Variants in CARMIL1 observed in about 807,000 individuals in gnomAD.
CARMIL1 encodes the protein capping protein regulator and myosin 1 linker 1, also known as F-actin-uncapping protein LRRC16A.
A neutral mutation model predicts 177.1 loss-of-function variants in CARMIL1; 90 were observed. That is an observed-to-expected ratio of 0.51 (90% CI 0.43 to 0.61). CARMIL1 has a LOEUF of 0.61. Ranked by LOEUF, CARMIL1 falls within the 20% of genes least tolerant of loss-of-function variation. The probability of loss-of-function intolerance (pLI) is 0.00; values close to 1 mark genes in which losing one functional copy is unlikely to be tolerated. For synonymous variants in CARMIL1, 577 were observed against 606.2 expected (o/e 0.95, Z 0.71); for missense variants, 1,380 against 1,667.0 (o/e 0.83, Z 3.00).
chr6:25,308,794 A>G (rs1016774744), intron 2 of CARMIL1, among the ~76,000 whole-genome samples: 2 of 152,136 alleles, frequency 1.3e-5, no homozygotes, highest in African/African-American at 2.4e-5. Flanking sequence ...GTGGAAGTTC[A>G]CTTAATAAAA....
intron 2 of CARMIL1, among the ~76,000 whole-genome samples, chr6:25,295,050 GTTA>G (rs1581472641): frequency 6.6e-6 from 1 of 152,014 alleles, no homozygotes; most frequent in Admixed American, 6.6e-5. Context: ...AAAAGGTTTT[GTTA>G]TTGTTGTTTT....
At chr6:25,286,092 C>G (rs1781503460) in intron 2 of CARMIL1, among the ~76,000 whole-genome samples, 1 of 152,166 alleles carries the variant, frequency 6.6e-6, no homozygotes, top group Non-Finnish European at 1.5e-5. Flanking sequence ...AGGCTGGTCT[C>G]AAACTCCTGG....
chr6:25,601,282 G>A (rs1311848714), intron 33 of CARMIL1, among the ~76,000 whole-genome samples: 1 of 152,200 alleles, frequency 6.6e-6, no homozygotes, highest in African/African-American at 2.4e-5. Flanking sequence ...CAGTCTTGTG[G>A]AGTGCCGGCA....
chr6:25,367,910 C>T (rs1407794173), intron 2 of CARMIL1, among the ~76,000 whole-genome samples: 1 of 152,226 alleles, frequency 6.6e-6, no homozygotes, highest in East Asian at 1.9e-4. Context: ...CAGGCACATG[C>T]CACCATACCC....
At chr6:25,409,064 C>G (rs1794665184) in intron 2 of CARMIL1, among the ~76,000 whole-genome samples, 1 of 152,192 alleles carries the variant, frequency 6.6e-6, no homozygotes, top group African/African-American at 2.4e-5. Flanking sequence ...GGTCTGGATT[C>G]AAAGCCCATT....
intron 4 of CARMIL1, among the ~76,000 whole-genome samples, chr6:25,427,729 G>A (rs555720914): frequency 6.6e-6 from 1 of 152,268 alleles, no homozygotes. Flanking sequence ...GGTATAGTCA[G>A]TCTTTTTAAT....
At position 25,600,725 on chromosome 6, in the gene CARMIL1, G is replaced by C; in HGVS notation, c.3531G>C (p.Lys1177Asn). 6.4e-7 allele frequency: 1 copy of C among 1,555,980 alleles called. No homozygotes were observed. The highest frequency in any genetic ancestry group is 8.7e-7 in the Non-Finnish European group (1 of 1,154,200). The change falls in exon 33 of 37, where the codon AAG becomes AAC. Residue 1177 changes from lysine (K) to asparagine (N), a missense_variant. Transcript: ENST00000329474. ...LLAEMKAKQE[K>N]RAACAQKKLG... ...CAGAGATGAAAGCCAAGCAAGAGAA[G>C]AGAGCTGCGTGTGCGCAGAAGGTAA...
chr6:25,588,954 G>C (rs1246082603), intron 31 of CARMIL1, among the ~76,000 whole-genome samples: 1 of 152,170 alleles, frequency 6.6e-6, no homozygotes, highest in African/African-American at 2.4e-5. Flanking sequence ...CTCGGCATAG[G>C]GCATAGCCCC....
intron 11 of CARMIL1, chr6:25,479,101 C>T (rs1482182782): frequency 3.9e-6 from 2 of 518,780 alleles, no homozygotes; most frequent in African/African-American, 3.9e-5. Context: ...CCTTTTGTTT[C>T]TCCCAGAAAC....
intron 5 of CARMIL1, among the ~76,000 whole-genome samples, chr6:25,442,555 C>T (rs535707704): frequency 6.6e-6 from 1 of 151,816 alleles, no homozygotes; most frequent in South Asian, 2.1e-4. Flanking sequence ...TCACTACAGG[C>T]GGAAAACAAC....
chr6:25,568,494 A>C (rs564425765), intron 29 of CARMIL1, among the ~76,000 whole-genome samples: 56 of 152,208 alleles, frequency 3.7e-4, no homozygotes, highest in East Asian at 1.5e-3. Flanking sequence ...TGATTATCCA[A>C]ATTGGGGTAT....
chr6:25,531,918 C>T (rs1384560642), intron 24 of CARMIL1, among the ~76,000 whole-genome samples: 1 of 151,554 alleles, frequency 6.6e-6, no homozygotes, highest in Non-Finnish European at 1.5e-5. Context: ...TTATAGTTGC[C>T]CATCACCACA....
At chr6:25,305,749 G>A (rs1783210375) in intron 2 of CARMIL1, among the ~76,000 whole-genome samples, 1 of 152,132 alleles carries the variant, frequency 6.6e-6, no homozygotes, top group Non-Finnish European at 1.5e-5. Flanking sequence ...TTCTCTTATG[G>A]GGACTGGGAG....
intron 2 of CARMIL1, among the ~76,000 whole-genome samples, chr6:25,356,472 T>C (rs1788629677): frequency 6.6e-6 from 1 of 152,114 alleles, no homozygotes; most frequent in South Asian, 2.1e-4. Context: ...AACCAGAGAT[T>C]TGGTTTAAAG....
At chr6:25,601,432 A>G (rs1468384835) in intron 33 of CARMIL1, among the ~76,000 whole-genome samples, 4 of 152,222 alleles carry the variant, frequency 2.6e-5, no homozygotes, top group African/African-American at 9.6e-5. Flanking sequence ...GGCTGAATCC[A>G]GATGGAAGAC....
chr6:25,497,830 G>C (rs1050596927), intron 16 of CARMIL1, among the ~76,000 whole-genome samples: 2 of 152,156 alleles, frequency 1.3e-5, no homozygotes, highest in African/African-American at 4.8e-5. Flanking sequence ...GGGAAGTAGA[G>C]TGTTATGCTG....
At chr6:25,348,246 C>G (rs1290783951) in intron 2 of CARMIL1, among the ~76,000 whole-genome samples, 1 of 152,006 alleles carries the variant, frequency 6.6e-6, no homozygotes, top group Non-Finnish European at 1.5e-5. Flanking sequence ...GATTCTCCTG[C>G]CTCAGTCTCC....
intron 2 of CARMIL1, among the ~76,000 whole-genome samples, chr6:25,310,593 A>G (rs1414714968): frequency 2.0e-5 from 3 of 152,248 alleles, no homozygotes; most frequent in African/African-American, 7.2e-5. Context: ...CCGGGTTGCA[A>G]TCAGAAAAAT....
At chr6:25,392,514 C>A (rs539118715) in intron 2 of CARMIL1, among the ~76,000 whole-genome samples, 13 of 152,290 alleles carry the variant, frequency 8.5e-5, no homozygotes, top group African/African-American at 2.4e-4. Flanking sequence ...GATAAGCAGA[C>A]CTACTTCCTT....
Sources: gnomAD v4.1 joint callset for allele counts (sites outside exome capture counted in the v4.1 genomes callset) on GRCh38, gnomAD v4.1.1 for gene constraint, MANE v1.5 for transcripts, NCBI Gene and HGNC (gene_info 2026-07-23, HGNC 2026-07-21) for gene names.